The following ACP6 variants were observed in gnomAD, a reference collection of about 807,000 sequenced individuals.
The protein encoded by ACP6 is acid phosphatase 6, lysophosphatidic.
In ACP6, 48 loss-of-function variants were observed where a neutral mutation model predicts 48.1. That is an observed-to-expected ratio of 1.00 (90% CI 0.79 to 1.27). The LOEUF is 1.27. Ranked by LOEUF, ACP6 falls within the 50% of genes most tolerant of loss-of-function variation. The pLI is 0.00. For missense variants in ACP6, 485 were observed against 529.1 expected (o/e 0.92, Z 0.82); for synonymous variants, 172 against 204.2 (o/e 0.84, Z 1.34).
At chr1:147,666,725 C>A (rs1553213702) in intron 1 of ACP6, among the ~76,000 whole-genome samples, 1 of 152,118 alleles carries the variant, frequency 6.6e-6, no homozygotes, top group Non-Finnish European at 1.5e-5. Context: ...CGGAGGGAGA[C>A]CCTGGCATGT....
intron 5 of ACP6, among the ~76,000 whole-genome samples, chr1:147,635,669 G>A (rs1257455026): frequency 6.6e-6 from 1 of 152,132 alleles, no homozygotes; most frequent in Middle Eastern, 3.2e-3. Context: ...TAAGAGACAG[G>A]GATGAATGAG....
intron 1 of ACP6, among the ~76,000 whole-genome samples, chr1:147,660,404 G>A (rs1553212548): frequency 6.6e-6 from 1 of 152,140 alleles, no homozygotes; most frequent in East Asian, 1.9e-4. Context: ...ATAAAACTCT[G>A]ACACTCATTG....
Position 147,652,674 on chromosome 1 carries a change from A to G in ACP6, c.781-125T>C, listed in dbSNP as rs781834487. On this transcript the variant is annotated intron_variant, in intron 6 of 9. Coordinates refer to ENST00000583509, the MANE Select transcript of ACP6 (RefSeq NM_016361.5). The stretch of plus-strand genomic sequence containing the variant: ...TGGGGAAGAGAAGACAGGCTCAAGA[A>G]CAGCTATGTCTGTTAACAGGTCAAG... 13 of 1,597,942 alleles carry G rather than the reference A, an allele frequency of 8.1e-6. No individual in the cohort carries two copies. In the Admixed American group the frequency reaches 2.2e-4, roughly 27 times the overall value.
chr1:147,669,684 CTGGCTACTGCTG>C (rs1660982756), intron 1 of ACP6, 134 bp downstream of exon 1: 2 of 801,666 alleles, frequency 2.5e-6, no homozygotes, highest in Non-Finnish European at 3.8e-6. Context: ...TGGGGAGTCA[CTGGCTACTGCTG>C]TTTTCCCTTC....
downstream of ACP6, among the ~76,000 whole-genome samples, chr1:147,640,972 G>C (rs1196241896): frequency 6.6e-6 from 1 of 152,048 alleles, no homozygotes; most frequent in Non-Finnish European, 1.5e-5. Flanking sequence ...TCTCCCCGGG[G>C]AATTCCCCAC....
chr1:147,669,894 A>G lies in ACP6; in HGVS notation c.155T>C (p.Met52Thr), dbSNP rs1382731278. The G allele has an allele frequency of 1.2e-6, 2 of 1,602,210 alleles. No individual in the cohort carries two copies. The highest frequency in any genetic ancestry group is 1.7e-5 in the Admixed American group (1 of 59,362). Reference sequence around the variant, plus strand: ...CCCGTGTCGAAACACGACCTGCACCATTTTCAACTTCAGCAGGCTGCGGTC... The same window carrying G: ...CCCGTGTCGAAACACGACCTGCACCGTTTTCAACTTCAGCAGGCTGCGGTC... ...PVDRSLLKLK[M>T]VQVVFRHGAR... The change falls in exon 1 of 10, where the codon ATG becomes ACG. Residue 52 changes from methionine (M) to threonine (T), a missense_variant. Transcript: ENST00000583509.
At position 147,642,412 on chromosome 1, in the gene ACP6, G is replaced by C. The variant is rs1413099972; in HGVS notation, c.*5011C>G. 1 of 152,184 alleles carries C rather than the reference G, an allele frequency of 6.6e-6. No individual in the cohort carries two copies. The highest frequency in any genetic ancestry group is 1.5e-5 in the Non-Finnish European group (1 of 68,072). The allele number at this position is 152,184 out of a possible 1,614,324, so 9.4% of individuals were successfully genotyped here. ...TGGATTACACAGGAAAAGGGAGTGTGGGTCAGGGGTCAGGTGATGGAAAAA... is the reference window on the plus strand; with the variant it reads ...TGGATTACACAGGAAAAGGGAGTGTCGGTCAGGGGTCAGGTGATGGAAAAA... On this transcript the variant is annotated 3_prime_UTR_variant, in exon 10 of 10. Transcript: ENST00000583509.
chr1:147,655,264 G>C lies in ACP6; in HGVS notation c.560-16C>G, dbSNP rs1660194202. The C allele has an allele frequency of 1.3e-6, 2 of 1,581,174 alleles. No homozygotes were observed. The highest frequency in any genetic ancestry group is 1.3e-5 in the African/African-American group (1 of 74,310). On this transcript the variant is annotated splice_polypyrimidine_tract_variant and intron_variant, in intron 4 of 9. Coordinates refer to ENST00000583509, the MANE Select transcript of ACP6 (RefSeq NM_016361.5). ...ATGATGGGTCCTGGAAGAAAGGGAGGAAGCACAGGCAGGCAGAGGCTTCAG... is the reference window on the plus strand; with the variant it reads ...ATGATGGGTCCTGGAAGAAAGGGAGCAAGCACAGGCAGGCAGAGGCTTCAG...
At chr1:147,641,287 C>G (rs1279003066), downstream of ACP6, among the ~76,000 whole-genome samples, 1 of 152,220 alleles carries the variant, frequency 6.6e-6, no homozygotes, top group Non-Finnish European at 1.5e-5. Context: ...CTCTCTCCTC[C>G]TCCCTCTTCA....
At chr1:147,649,307 T>C (rs1553210102) in intron 8 of ACP6, among the ~76,000 whole-genome samples, 3 of 152,216 alleles carry the variant, frequency 2.0e-5, no homozygotes, top group African/African-American at 7.2e-5. Flanking sequence ...GAGAACCTGA[T>C]GAGTTCTTGG....
rs1174062152 is a variant in ACP6, at chr1:147,669,730, C to T, written c.219+100G>A. 4.6e-6 allele frequency: 6 copies of T among 1,292,912 alleles called. No homozygotes were observed. In the African/African-American group the frequency reaches 7.4e-5, roughly 16 times the overall value. 80.1% of individuals were successfully genotyped at this position (1,292,912 alleles called of 1,614,324 possible). ...TCTTCTGGACCCAACCCGAGCCCCG[C>T]TCCGCGCGAGTAAAGCTCTGAAGAT... On this transcript the variant is annotated intron_variant, in intron 1 of 9. Coordinates refer to ENST00000583509, the MANE Select transcript of ACP6 (RefSeq NM_016361.5).
rs957781341 is a variant in ACP6, at chr1:147,646,844, C to T, written c.*579G>A. The T allele has an allele frequency of 6.6e-6, 1 of 152,624 alleles. No homozygotes were observed. The highest frequency in any genetic ancestry group is 1.5e-5 in the Non-Finnish European group (1 of 68,296). The allele number at this position is 152,624 out of a possible 1,614,324, so 9.5% of individuals were successfully genotyped here. ...TCCTTGCTTTCCTGGTTAACTCCTA[C>T]CCACCTTTCTCTACTCAGATCAGGC... is the stretch of plus-strand genomic sequence containing the variant. On this transcript the variant is annotated 3_prime_UTR_variant, in exon 10 of 10. Transcript: ENST00000583509.
downstream of ACP6, among the ~76,000 whole-genome samples, chr1:147,640,548 A>G (rs1437353158): frequency 2.0e-5 from 3 of 152,310 alleles, no homozygotes; most frequent in East Asian, 3.9e-4. Flanking sequence ...GGATAATTCC[A>G]TGAGGGAGAT....
At chr1:147,632,238 C>T (rs1659189674) in intron 5 of ACP6, among the ~76,000 whole-genome samples, 1 of 149,266 alleles carries the variant, frequency 6.7e-6, no homozygotes, top group South Asian at 2.1e-4. Flanking sequence ...CATTTTGTAT[C>T]ACGACTCTGT....
chr1:147,632,194 A>AACAC (rs71584653), intron 5 of ACP6, among the ~76,000 whole-genome samples: 11,243 of 145,960 alleles, frequency 0.077, 483 homozygotes, highest in Admixed American at 0.1. Flanking sequence ...ACCTATGCCC[A>AACAC]ACACACACAC....
intron 4 of ACP6, 53 bp downstream of exon 4, chr1:147,658,907 T>C: frequency 6.7e-7 from 1 of 1,501,446 alleles, no homozygotes. Flanking sequence ...GCTTCGGAAG[T>C]GAGAAGCAAG....
intron 4 of ACP6, 118 bp from the exon 5 acceptor site, chr1:147,655,366 C>A: frequency 1.3e-6 from 1 of 768,778 alleles, no homozygotes. Context: ...AGAGGCAGAT[C>A]ATCAAGGTTA....
At position 147,670,410 on chromosome 1, in the gene ACP6, C is replaced by A; in HGVS notation, c.-362G>T. The A allele has an allele frequency of 5.7e-6, 1 of 176,856 alleles. No individual in the cohort carries two copies. The highest frequency in any genetic ancestry group is 1.2e-5 in the Non-Finnish European group (1 of 84,234). 11.0% of individuals were successfully genotyped at this position (176,856 alleles called of 1,614,324 possible). A position where few individuals can be genotyped will look rare whatever the true frequency, so the allele number is the denominator to read the frequency against. On this transcript the variant is annotated 5_prime_UTR_variant, in exon 1 of 10. Coordinates refer to ENST00000583509, the MANE Select transcript of ACP6 (RefSeq NM_016361.5). Reference sequence around the variant, plus strand: ...TCCAGCACTCTTGAAGGAACAGGAGCCGGCCCTGAGTTCCCTGGCGGCAGC... The same window carrying A: ...TCCAGCACTCTTGAAGGAACAGGAGACGGCCCTGAGTTCCCTGGCGGCAGC...
At position 147,647,444 on chromosome 1, in the gene ACP6, C is replaced by T. The variant is rs868912240; in HGVS notation, c.1266G>A (p.Met422Ile). The change falls in exon 10 of 10, where the codon ATG becomes ATA. Residue 422 changes from methionine (M) to isoleucine (I), a missense_variant. By Grantham distance (10) the Met-to-Ile change is conservative. Coordinates refer to ENST00000583509, the MANE Select transcript of ACP6 (RefSeq NM_016361.5). ...YHALCSQTQV[M>I]EVGNEE The stretch of plus-strand genomic sequence containing the variant: ...TCAGTTACTCTTCATTTCCAACTTC[C>T]ATCACCTGAGTTTGAGAGCAGAGTG... 6.2e-7 allele frequency: 1 copy of T among 1,614,100 alleles called. No individual in the cohort carries two copies. Among genetic ancestry groups the T allele is most frequent in the Non-Finnish European group, 8.5e-7 (1 of 1,180,016 alleles).
Sources: gnomAD v4.1 joint callset for allele counts (sites outside exome capture counted in the v4.1 genomes callset) on GRCh38, gnomAD v4.1.1 for gene constraint, MANE v1.5 for transcripts, NCBI Gene and HGNC (gene_info 2026-07-23, HGNC 2026-07-21) for gene names.